The following ZDHHC20 variants were observed in gnomAD, a reference collection of about 807,000 sequenced individuals.
ZDHHC20 encodes the protein zDHHC palmitoyltransferase 20.
Under a neutral mutation model 57.8 loss-of-function variants are expected in ZDHHC20, and 43 were observed. The observed-to-expected ratio is 0.74, with a 90% CI of 0.58 to 0.96. ZDHHC20 has a LOEUF of 0.96. Among genes scored for constraint, ZDHHC20 ranks in the 40% least tolerant of loss-of-function variants. The pLI is 0.00. For synonymous variants in ZDHHC20, 157 were observed against 153.0 expected, an observed-to-expected ratio of 1.03 and a Z score of -0.19; for missense variants, 391 against 441.1, an observed-to-expected ratio of 0.89 and a Z score of 1.02.
intron 1 of ZDHHC20, among the ~76,000 whole-genome samples, chr13:21,445,863 C>T (rs1477278747): frequency 1.3e-5 from 2 of 152,166 alleles, no homozygotes; most frequent in Middle Eastern, 3.2e-3. Context: ...CGAAGTACTT[C>T]TTTTACAGAG....
chr13:21,408,922 G>A (rs1319323988), intron 4 of ZDHHC20, among the ~76,000 whole-genome samples: 2 of 152,182 alleles, frequency 1.3e-5, no homozygotes, highest in Non-Finnish European at 2.9e-5. Flanking sequence ...ATCGATTTGT[G>A]TATATTGAAC....
chr13:21,438,268 A>T (rs756192751), intron 1 of ZDHHC20, among the ~76,000 whole-genome samples: 1 of 152,242 alleles, frequency 6.6e-6, no homozygotes, highest in Non-Finnish European at 1.5e-5. Context: ...ATCTAGGCAA[A>T]CTACATTGAT....
intron 1 of ZDHHC20, among the ~76,000 whole-genome samples, chr13:21,452,246 G>A (rs565981383): frequency 0.02 from 2,906 of 147,722 alleles, 77 homozygotes; most frequent in African/African-American, 0.063. Flanking sequence ...CTTAATGTGC[G>A]ACAGAAATTT....
intron 7 of ZDHHC20, among the ~76,000 whole-genome samples, chr13:21,399,482 CT>C (rs1176781298): frequency 2.6e-5 from 4 of 152,036 alleles, no homozygotes; most frequent in African/African-American, 9.7e-5. Flanking sequence ...AGTTCTCCCA[CT>C]TCCAAGAGGC....
intron 1 of ZDHHC20, among the ~76,000 whole-genome samples, chr13:21,455,497 G>A (rs1332946135): frequency 6.6e-6 from 1 of 152,098 alleles, no homozygotes; most frequent in Non-Finnish European, 1.5e-5. Context: ...GAGAATTTCA[G>A]TCTAATTTAA....
At position 21,413,635 on chromosome 13, in the gene ZDHHC20, C is replaced by T; in HGVS notation, c.370+17G>A. 6.4e-7 allele frequency: 1 copy of T among 1,572,556 alleles called. No homozygotes were observed. The highest frequency in any genetic ancestry group is 8.6e-7 in the Non-Finnish European group (1 of 1,165,890). On this transcript the variant is annotated intron_variant, in intron 4 of 12. Coordinates refer to ENST00000400590, the MANE Select transcript of ZDHHC20 (RefSeq NM_001330059.2). ...TTTAAAAATCATTTGAAAAGGAAAA[C>T]TTATTCTTTTTCTTACTTTTTGAAG...
chr13:21,392,552 G>A lies in ZDHHC20; in HGVS notation c.595-698C>T, dbSNP rs374013358. Among the ~76,000 whole-genome samples the A allele has an allele frequency of 5.9e-5, 9 of 152,228 alleles. No individual in the cohort carries two copies. In the South Asian group the frequency reaches 8.3e-4, roughly 14 times the overall value. ...AATTTTGATAAATAAATTTACCACA[G>A]GTATTAATGAATGAAAACAGCTTCT... is the stretch of plus-strand genomic sequence containing the variant. On this transcript the variant is annotated intron_variant, in intron 7 of 12. Coordinates refer to ENST00000400590, the MANE Select transcript of ZDHHC20 (RefSeq NM_001330059.2).
chr13:21,377,925 G>C (rs1379566053), intron 12 of ZDHHC20: 2 of 152,250 alleles, frequency 1.3e-5, no homozygotes, highest in Admixed American at 1.3e-4. Flanking sequence ...TTCTCTTGCT[G>C]TGTCTTTTAC....
intron 1 of ZDHHC20, among the ~76,000 whole-genome samples, chr13:21,458,255 T>C (rs1159066900): frequency 6.6e-6 from 1 of 152,186 alleles, no homozygotes; most frequent in Non-Finnish European, 1.5e-5. Flanking sequence ...ACTCCTTTTT[T>C]CCAGGGAATC....
At chr13:21,423,845 C>T (rs114783247) in intron 2 of ZDHHC20, among the ~76,000 whole-genome samples, 4 of 151,918 alleles carry the variant, frequency 2.6e-5, no homozygotes, top group African/African-American at 9.7e-5. Flanking sequence ...ACTTTGCTTA[C>T]TTCCTTCATA....
At chr13:21,389,006 C>T (rs1022431889) in intron 8 of ZDHHC20, among the ~76,000 whole-genome samples, 3 of 152,068 alleles carry the variant, frequency 2.0e-5, no homozygotes, top group African/African-American at 4.8e-5. Flanking sequence ...TCAGGAAGTA[C>T]ATCAGAATAC....
chr13:21,429,479 A>T (rs1354274983), intron 1 of ZDHHC20, among the ~76,000 whole-genome samples: 1 of 152,102 alleles, frequency 6.6e-6, no homozygotes. Flanking sequence ...ATCTGCTGTT[A>T]TTCTGTTTTT....
chr13:21,405,317 A>G (rs1226989218), intron 4 of ZDHHC20, among the ~76,000 whole-genome samples: 1 of 152,246 alleles, frequency 6.6e-6, no homozygotes, highest in Non-Finnish European at 1.5e-5. Context: ...AATAAAATAC[A>G]TAATTTAATT....
chr13:21,377,758 C>T (rs1872490981), intron 12 of ZDHHC20: 1 of 160,400 alleles, frequency 6.2e-6, no homozygotes, highest in Admixed American at 6.5e-5. Flanking sequence ...CTGCAAGGAC[C>T]TAACTGCTGA....
Position 21,445,636 on chromosome 13 carries a change from C to T in ZDHHC20, c.118+13418G>A, listed in dbSNP as rs1057096788. Among the ~76,000 whole-genome samples the T allele has an allele frequency of 3.3e-5, 5 of 152,168 alleles. 1 individual carries two copies. The highest frequency in any genetic ancestry group is 5.9e-5 in the Non-Finnish European group (4 of 68,042). ...AAGTTGTCTACTATATGAAAACATT[C>T]CAATTCTCCCTCTTCTACTAGCATG... On this transcript the variant is annotated intron_variant, in intron 1 of 12. Transcript: ENST00000400590.
chr13:21,431,186 G>C lies in ZDHHC20; in HGVS notation c.119-5508C>G, dbSNP rs565265942. On this transcript the variant is annotated intron_variant, in intron 1 of 12. Coordinates refer to ENST00000400590, the MANE Select transcript of ZDHHC20 (RefSeq NM_001330059.2). ...CTAGGAAGAAAAAGAGGTTTAATTGGACTCACAGTTCCACATGGCTGGGGA... is the reference window on the plus strand; with the variant it reads ...CTAGGAAGAAAAAGAGGTTTAATTGCACTCACAGTTCCACATGGCTGGGGA... Among the ~76,000 whole-genome samples the C allele has an allele frequency of 2.6e-5, 4 of 152,242 alleles. No homozygotes were observed. In the South Asian group the frequency reaches 8.3e-4, roughly 32 times the overall value.
At chr13:21,428,349 T>A (rs945776296) in intron 1 of ZDHHC20, among the ~76,000 whole-genome samples, 5 of 151,678 alleles carry the variant, frequency 3.3e-5, no homozygotes, top group Admixed American at 6.6e-5. Flanking sequence ...ACCTCCCGAG[T>A]AGCTGGGATT....
chr13:21,434,928 G>A (rs1882389735), intron 1 of ZDHHC20, among the ~76,000 whole-genome samples: 1 of 152,104 alleles, frequency 6.6e-6, no homozygotes, highest in Non-Finnish European at 1.5e-5. Flanking sequence ...TTGTTTATTT[G>A]TGGAAGTTTA....
In ZDHHC20 at chr13:21,374,246, G is replaced by C; in HGVS notation, c.*2450C>G. 3.7e-6 allele frequency: 1 copy of C among 267,244 alleles called. No individual in the cohort carries two copies. Among genetic ancestry groups the C allele is most frequent in the Non-Finnish European group, 7.9e-6 (1 of 126,178 alleles). The allele number at this position is 267,244 out of a possible 1,614,324, so 16.6% of individuals were successfully genotyped here. ...AATTGATATATATATATATTTTTGA[G>C]ATGGAGTTTCACTCGTCGCCCAGGC... On this transcript the variant is annotated 3_prime_UTR_variant, in exon 13 of 13. Transcript: ENST00000400590.
Sources: gnomAD v4.1 joint callset for allele counts (sites outside exome capture counted in the v4.1 genomes callset) on GRCh38, gnomAD v4.1.1 for gene constraint, MANE v1.5 for transcripts, NCBI Gene and HGNC (gene_info 2026-07-23, HGNC 2026-07-21) for gene names.